The following BCAR3 variants were observed in gnomAD, a reference collection of about 807,000 sequenced individuals.
The protein encoded by BCAR3 is BCAR3 adaptor protein, NSP family member, also known as breast cancer anti-estrogen resistance protein 3.
Under a neutral mutation model 80.1 loss-of-function variants are expected in BCAR3, and 37 were observed. The ratio of observed to expected loss-of-function variants is 0.46; its 90% CI spans 0.36 to 0.61. The LOEUF (loss-of-function observed/expected upper bound fraction) is 0.61. Ranked by LOEUF, BCAR3 falls within the 20% of genes least tolerant of loss-of-function variation. BCAR3 has a pLI of 0.00. For synonymous variants in BCAR3, 389 were observed against 418.9 expected (o/e 0.93, Z 0.87); for missense variants, 978 against 1,068.2 (o/e 0.92, Z 1.18).
chr1:93,718,591 T>C (rs1038619887), intron 2 of BCAR3, among the ~76,000 whole-genome samples: 1 of 151,998 alleles, frequency 6.6e-6, no homozygotes, highest in African/African-American at 2.4e-5. Flanking sequence ...AGGGCTGTCA[T>C]GAAGATTAAG....
At chr1:93,734,669 C>T (rs1557670010) in intron 2 of BCAR3, among the ~76,000 whole-genome samples, 2 of 152,140 alleles carry the variant, frequency 1.3e-5, no homozygotes, top group Admixed American at 6.5e-5. Flanking sequence ...CCAGCAACGT[C>T]GGCAAAGCTA....
chr1:93,631,628 C>T (rs1675623161), intron 3 of BCAR3, among the ~76,000 whole-genome samples: 1 of 152,204 alleles, frequency 6.6e-6, no homozygotes, highest in Non-Finnish European at 1.5e-5. Context: ...TCAATTCTTG[C>T]CTGCCTGTTA....
At chr1:93,837,786 G>A (rs1654820313) in intron 2 of BCAR3, among the ~76,000 whole-genome samples, 1 of 152,208 alleles carries the variant, frequency 6.6e-6, no homozygotes, top group Non-Finnish European at 1.5e-5. Context: ...TGTAATGAGT[G>A]GTACAGTGTG....
intron 2 of BCAR3, among the ~76,000 whole-genome samples, chr1:93,757,150 G>T (rs1412704308): frequency 6.6e-6 from 1 of 152,158 alleles, no homozygotes; most frequent in Admixed American, 6.5e-5. Flanking sequence ...CCATGTTGAG[G>T]TGCAAAGAGG....
intron 9 of BCAR3, 153 bp from the exon 10 acceptor site, chr1:93,568,004 T>C (rs184462921): frequency 7.2e-5 from 41 of 565,636 alleles, no homozygotes; most frequent in Middle Eastern, 4.9e-4. Flanking sequence ...CTGGCCAGTA[T>C]GGTGAAACCC....
At chr1:93,562,848 C>T (rs570018884) in intron 11 of BCAR3, among the ~76,000 whole-genome samples, 10 of 149,924 alleles carry the variant, frequency 6.7e-5, no homozygotes, top group South Asian at 2.1e-4. Flanking sequence ...TCTCTCAGAA[C>T]TTTAAAAAAT....
intron 2 of BCAR3, among the ~76,000 whole-genome samples, chr1:93,754,678 G>A (rs1462276938): frequency 6.6e-6 from 1 of 152,130 alleles, no homozygotes; most frequent in Non-Finnish European, 1.5e-5. Context: ...TTCCTCACAT[G>A]TTTGTGGTGA....
intron 3 of BCAR3, among the ~76,000 whole-genome samples, chr1:93,693,614 C>T (rs971451912): frequency 6.6e-6 from 1 of 152,190 alleles, no homozygotes; most frequent in African/African-American, 2.4e-5. Context: ...CACATAGCGT[C>T]CCCCAAAGTG....
rs1192308751 is a variant in BCAR3, at chr1:93,562,245, A to G, written c.2474T>C (p.Leu825Pro). The change falls in exon 12 of 12, where the codon CTT becomes CCT. Residue 825 changes from leucine to proline, a missense_variant. By Grantham distance (98) the Leu-to-Pro change is moderately conservative (BLOSUM62 -3). Coordinates refer to ENST00000260502, the MANE Select transcript of BCAR3 (RefSeq NM_003567.4). ...LEPPPVKQAE[L>P] is the part of the protein sequence containing the mutation. ...TAAAGGTTCTCTGGAGAGTTATCAA[A>G]GCTCTGCCTGCTTTACAGGAGGAGG... 1 of 1,613,202 alleles carries G rather than the reference A, an allele frequency of 6.2e-7. No individual in the cohort carries two copies. Among genetic ancestry groups the G allele is most frequent in the East Asian group, 2.2e-5 (1 of 44,878 alleles).
At chr1:93,826,568 T>C (rs543062077) in intron 2 of BCAR3, among the ~76,000 whole-genome samples, 5 of 152,226 alleles carry the variant, frequency 3.3e-5, no homozygotes, top group African/African-American at 4.8e-5. Flanking sequence ...GCCTACCGTG[T>C]GCAGGAAGTG....
rs1449834156 is a variant in BCAR3, at chr1:93,681,678, C to G, written c.-92G>C. The G allele has an allele frequency of 6.6e-6, 1 of 151,762 alleles. No individual in the cohort carries two copies. Among genetic ancestry groups the G allele is most frequent in the East Asian group, 2.0e-4 (1 of 5,128 alleles). The allele number at this position is 151,762 out of a possible 1,614,324, so 9.4% of individuals were successfully genotyped here. ...GGCTCAAAGGCGCCGCGCGGCCGGC[C>G]TCGCACCGCCCGCGCCGCGGCTGCT... On this transcript the variant is annotated 5_prime_UTR_variant, in exon 1 of 12. Transcript: ENST00000260502.
chr1:93,583,033 C>T, intron 6 of BCAR3, 80 bp from the exon 7 acceptor site: 1 of 1,440,988 alleles, frequency 6.9e-7, no homozygotes, highest in Non-Finnish European at 9.2e-7. Context: ...TGGCAGCTCC[C>T]CAGCCCTCCA....
intron 5 of BCAR3, among the ~76,000 whole-genome samples, chr1:93,584,684 T>G (rs12066343): frequency 0.21 from 32,187 of 152,168 alleles, 3,876 homozygotes; most frequent in African/African-American, 0.31. Flanking sequence ...CCACACAGCC[T>G]CCTCCTGCTG....
intron 2 of BCAR3, among the ~76,000 whole-genome samples, chr1:93,651,839 G>A (rs994031495): frequency 2.0e-5 from 3 of 152,086 alleles, no homozygotes; most frequent in African/African-American, 2.4e-5. Context: ...CAAGAGAAGC[G>A]GCATCACATT....
Position 93,841,701 on chromosome 1 carries a change from C to T in BCAR3, c.-63+3866G>A, listed in dbSNP as rs576342640. 1.2e-3 allele frequency among the ~76,000 whole-genome samples: 181 copies of T among 152,324 alleles called. 2 individuals carry two copies. Among genetic ancestry groups the T allele is most frequent in the Non-Finnish European group, 2.1e-3 (141 of 68,018 alleles). The stretch of plus-strand genomic sequence containing the variant: ...ATCAGCCTCCCAAGCCTTCCCCTTT[C>T]GGGACCAGATCATGTTCCCTTTATC... On this transcript the variant is annotated intron_variant, in intron 2 of 13. Transcript: ENST00000370244.
chr1:93,672,426 C>T (rs1201300369), intron 2 of BCAR3, among the ~76,000 whole-genome samples: 1 of 151,700 alleles, frequency 6.6e-6, no homozygotes, highest in Non-Finnish European at 1.5e-5. Flanking sequence ...GTGTCTAGTA[C>T]ATGGTAGACA....
At chr1:93,785,169 A>G (rs1398531844) in intron 2 of BCAR3, among the ~76,000 whole-genome samples, 1 of 152,232 alleles carries the variant, frequency 6.6e-6, no homozygotes, top group East Asian at 1.9e-4. Flanking sequence ...AGAGGATTAA[A>G]AAAGAAACCC....
In BCAR3 at chr1:93,742,601, C is replaced by A. The variant is rs113260762; in HGVS notation, c.-62-36459G>T. Among the ~76,000 whole-genome samples the A allele has an allele frequency of 7.2e-4, 110 of 152,152 alleles. 1 individual carries two copies. The highest frequency in any genetic ancestry group is 2.1e-3 in the African/African-American group (87 of 41,496). On this transcript the variant is annotated intron_variant, in intron 2 of 13. Transcript: ENST00000370244. ...AAATGGGATTTTCACCCATTAGAAG[C>A]AGTTTTCTATCTACACAGATTTCAT...
At chr1:93,648,329 A>G (rs1308064950) in intron 2 of BCAR3, among the ~76,000 whole-genome samples, 2 of 152,202 alleles carry the variant, frequency 1.3e-5, no homozygotes, top group Non-Finnish European at 2.9e-5. Flanking sequence ...TGCTATGTGT[A>G]GAGGTAAATG....
Sources: gnomAD v4.1 joint callset for allele counts (sites outside exome capture counted in the v4.1 genomes callset) on GRCh38, gnomAD v4.1.1 for gene constraint, MANE v1.5 for transcripts, NCBI Gene and HGNC (gene_info 2026-07-23, HGNC 2026-07-21) for gene names.